Variants in DOCK1 observed in about 807,000 individuals in gnomAD.
DOCK1 encodes dedicator of cytokinesis 1.
DOCK1 carries 138 observed loss-of-function variants against 262.7 expected under a neutral mutation model. The ratio of observed to expected loss-of-function variants is 0.53; its 90% CI spans 0.46 to 0.61. The LOEUF is 0.61. Ranked by LOEUF, DOCK1 falls within the 20% of genes least tolerant of loss-of-function variation. The pLI, the probability that DOCK1 is intolerant of heterozygous loss-of-function variation, is 0.00. For missense variants in DOCK1, 1,908 were observed against 2,370.7 expected (o/e 0.80, Z 4.05); for synonymous variants, 866 against 867.4 (o/e 1.00, Z 0.03).
intron 12 of DOCK1, among the ~76,000 whole-genome samples, chr10:127,017,378 CAG>C (rs1347222381): frequency 1.3e-5 from 2 of 151,994 alleles, no homozygotes; most frequent in Admixed American, 6.6e-5. Flanking sequence ...GATACAGACA[CAG>C]ACATACATAC....
chr10:127,038,163 G>A (rs1333276485), intron 19 of DOCK1, among the ~76,000 whole-genome samples: 1 of 152,142 alleles, frequency 6.6e-6, no homozygotes, highest in Non-Finnish European at 1.5e-5. Flanking sequence ...AACCCAGGAG[G>A]CGGAGGTTGC....
intron 27 of DOCK1, among the ~76,000 whole-genome samples, chr10:127,169,279 G>A (rs149570951): frequency 2.6e-5 from 4 of 152,312 alleles, no homozygotes; most frequent in Non-Finnish European, 5.9e-5. Flanking sequence ...CCTGAATGCC[G>A]ATGAACTGTG....
At chr10:127,357,677 G>A (rs2064211199) in intron 32 of DOCK1, among the ~76,000 whole-genome samples, 1 of 152,234 alleles carries the variant, frequency 6.6e-6, no homozygotes, top group African/African-American at 2.4e-5. Context: ...AAGCGGCCAA[G>A]AGGTCAAAAG....
At chr10:126,911,645 G>T (rs1304429229) in intron 1 of DOCK1, among the ~76,000 whole-genome samples, 1 of 152,168 alleles carries the variant, frequency 6.6e-6, no homozygotes, top group Non-Finnish European at 1.5e-5. Context: ...CACTGTTCAT[G>T]CATATGACCC....
chr10:127,225,163 A>T (rs1038365537), intron 27 of DOCK1, among the ~76,000 whole-genome samples: 3 of 152,244 alleles, frequency 2.0e-5, no homozygotes, highest in African/African-American at 7.2e-5. Flanking sequence ...GTAATTTATG[A>T]GAAGGACAAG....
rs189693237 is a variant in DOCK1 at position 127,008,448 on chromosome 10, T to C, written c.986-284T>C. The stretch of plus-strand genomic sequence containing the variant: ...TTGTTAATGGAACATTTTCCATCAT[T>C]ACAGAAAGTTCTATTGGACAGGGCA... On this transcript the variant is annotated intron_variant, in intron 10 of 51. Transcript: ENST00000623213. Among the ~76,000 whole-genome samples the C allele has an allele frequency of 4.7e-4, 72 of 152,338 alleles. 1 individual carries two copies. The highest frequency in any genetic ancestry group is 1.4e-3 in the Admixed American group (21 of 15,310).
intron 29 of DOCK1, among the ~76,000 whole-genome samples, chr10:127,300,288 C>T (rs183438609): frequency 1.3e-5 from 2 of 152,308 alleles, no homozygotes; most frequent in Non-Finnish European, 2.9e-5. Context: ...CTCTCCTGTG[C>T]GGCTTCTCTC....
intron 23 of DOCK1, among the ~76,000 whole-genome samples, chr10:127,078,376 G>A (rs1213550377): frequency 2.0e-5 from 3 of 152,044 alleles, no homozygotes; most frequent in African/African-American, 7.3e-5. Context: ...CTTTGGGGGT[G>A]TGGGGCAACC....
intron 18 of DOCK1, among the ~76,000 whole-genome samples, chr10:127,036,044 A>AAATAAATC (rs747334299): frequency 1.0e-5 from 1 of 98,856 alleles, no homozygotes; most frequent in African/African-American, 3.2e-5. Flanking sequence ...ATAAATAAAT[A>AAATAAATC]AAAAAGAGTA....
In DOCK1 at chr10:127,409,328, C is replaced by T; in HGVS notation, c.4280C>T (p.Thr1427Ile). The change falls in exon 42 of 52, where the codon ACA becomes ATA. Residue 1427 changes from threonine (T) to isoleucine (I), a missense_variant. Thr to Ile is a moderately conservative substitution (Grantham distance 89, BLOSUM62 -1). Coordinates refer to ENST00000623213, the MANE Select transcript of DOCK1 (RefSeq NM_001290223.2). ...CTCACCTCAGATATTCAGTGCTTCA[C>T]AGTGAAGCCCAAACTCGATCTGCCT... ...NSPGQYIQCF[T>I]VKPKLDLPPK... 6.2e-7 allele frequency: 1 copy of T among 1,613,964 alleles called. No homozygotes were observed. Among genetic ancestry groups the T allele is most frequent in the Non-Finnish European group, 8.5e-7 (1 of 1,179,876 alleles).
intron 29 of DOCK1, among the ~76,000 whole-genome samples, chr10:127,260,645 G>A (rs1414502432): frequency 4.0e-5 from 6 of 149,630 alleles, no homozygotes; most frequent in Admixed American, 6.7e-5. Flanking sequence ...GTGTGTACCC[G>A]TGCTCATCTG....
intron 27 of DOCK1, among the ~76,000 whole-genome samples, chr10:127,226,915 G>T (rs1012236172): frequency 6.6e-6 from 1 of 152,068 alleles, no homozygotes; most frequent in East Asian, 1.9e-4. Context: ...AAGTCACCCC[G>T]TCATGGCTCT....
At chr10:127,248,134 A>G (rs377513992) in intron 28 of DOCK1, 25 bp downstream of exon 28, 23 of 1,601,512 alleles carry the variant, frequency 1.4e-5, no homozygotes, top group Non-Finnish European at 1.3e-5. Context: ...CACCCTGTTC[A>G]CATAACCATG....
chr10:127,049,339 G>A (rs1183354927), intron 21 of DOCK1, among the ~76,000 whole-genome samples: 1 of 152,052 alleles, frequency 6.6e-6, no homozygotes, highest in Non-Finnish European at 1.5e-5. Flanking sequence ...TGACCAACAT[G>A]GTGAAACCCC....
intron 28 of DOCK1, among the ~76,000 whole-genome samples, chr10:127,254,196 T>C (rs773099943): frequency 1.5e-4 from 23 of 152,234 alleles, no homozygotes; most frequent in Admixed American, 3.3e-4. Context: ...ATTGTGTCTC[T>C]TTAATCTTTC....
intron 19 of DOCK1, among the ~76,000 whole-genome samples, chr10:127,041,713 C>T (rs2044026855): frequency 6.6e-6 from 1 of 152,208 alleles, no homozygotes; most frequent in Non-Finnish European, 1.5e-5. Context: ...TGCGTTCTTG[C>T]CCACTTCTTA....
At chr10:127,026,065 A>AAAAAAG in intron 15 of DOCK1, 1 of 295,850 alleles carries the variant, frequency 3.4e-6, no homozygotes, top group Non-Finnish European at 6.2e-6. Flanking sequence ...GTATCAAAAA[A>AAAAAAG]AAAAAAAGAA....
At chr10:127,027,047 G>A (rs7092134) in intron 16 of DOCK1, among the ~76,000 whole-genome samples, 72,193 of 152,160 alleles carry the variant, frequency 0.47, 17,175 homozygotes, top group Middle Eastern at 0.55. Flanking sequence ...CATGATTCCC[G>A]TCTTTCAGGG....
intron 27 of DOCK1, among the ~76,000 whole-genome samples, chr10:127,142,039 A>G (rs2051312060): frequency 6.6e-6 from 1 of 152,144 alleles, no homozygotes; most frequent in African/African-American, 2.4e-5. Flanking sequence ...CTTGTGAGTG[A>G]CCAGCTACCA....
Sources: gnomAD v4.1 joint callset for allele counts (sites outside exome capture counted in the v4.1 genomes callset) on GRCh38, gnomAD v4.1.1 for gene constraint, MANE v1.5 for transcripts, NCBI Gene and HGNC (gene_info 2026-07-23, HGNC 2026-07-21) for gene names.